Variants in MACROD2 observed in about 807,000 individuals in gnomAD.
The protein encoded by MACROD2 is mono-ADP ribosylhydrolase 2, also known as ADP-ribose glycohydrolase MACROD2.
In MACROD2, 36 loss-of-function variants were observed where a neutral mutation model predicts 70.4. The observed-to-expected ratio is 0.51, with a 90% CI of 0.39 to 0.68. The LOEUF (loss-of-function observed/expected upper bound fraction) is 0.68. Among genes scored for constraint, MACROD2 ranks in the 30% least tolerant of loss-of-function variants. MACROD2 has a pLI of 0.00. For missense variants in MACROD2, 496 were observed against 538.4 expected, an observed-to-expected ratio of 0.92 and a Z score of 0.78; for synonymous variants, 172 against 178.8, an observed-to-expected ratio of 0.96 and a Z score of 0.30.
intron 7 of MACROD2, among the ~76,000 whole-genome samples, chr20:15,478,338 G>T (rs532368810): frequency 6.6e-6 from 1 of 152,170 alleles, no homozygotes; most frequent in Admixed American, 6.5e-5. Flanking sequence ...GCTTGTTCAA[G>T]CTGTGCACCC....
chr20:14,179,635 G>A (rs2081290894), intron 3 of MACROD2, among the ~76,000 whole-genome samples: 1 of 152,122 alleles, frequency 6.6e-6, no homozygotes, highest in Non-Finnish European at 1.5e-5. Flanking sequence ...TAACAAAGGG[G>A]AAAGACTAAT....
At chr20:15,111,356 A>G (rs1418948057) in intron 5 of MACROD2, among the ~76,000 whole-genome samples, 1 of 151,858 alleles carries the variant, frequency 6.6e-6, no homozygotes, top group East Asian at 1.9e-4. Flanking sequence ...TAGTTTTAGT[A>G]GAGATGGGTT....
chr20:15,037,454 G>A (rs527294527), intron 5 of MACROD2, among the ~76,000 whole-genome samples: 2 of 152,192 alleles, frequency 1.3e-5, no homozygotes, highest in South Asian at 4.1e-4. Context: ...CCCAGAGCAG[G>A]TACTGCTGTT....
At chr20:15,282,804 T>C (rs976683676) in intron 6 of MACROD2, among the ~76,000 whole-genome samples, 2 of 152,156 alleles carry the variant, frequency 1.3e-5, no homozygotes, top group Non-Finnish European at 2.9e-5. Context: ...GCTTCCACAT[T>C]CTGGGTATCT....
intron 8 of MACROD2, among the ~76,000 whole-genome samples, chr20:15,610,330 C>T (rs941938805): frequency 2.0e-5 from 3 of 152,158 alleles, no homozygotes; most frequent in African/African-American, 7.2e-5. Context: ...AAGTTGAAAT[C>T]AAGGTGTTGG....
chr20:15,983,246 T>C (rs1002022385), intron 13 of MACROD2, among the ~76,000 whole-genome samples: 3 of 152,334 alleles, frequency 2.0e-5, no homozygotes, highest in Admixed American at 6.5e-5. Flanking sequence ...TGCATCTAAA[T>C]AGATGTGAGA....
chr20:14,804,821 G>C (rs2072619222), intron 5 of MACROD2, among the ~76,000 whole-genome samples: 2 of 151,800 alleles, frequency 1.3e-5, no homozygotes, highest in South Asian at 4.2e-4. Flanking sequence ...TTCTGTCTTT[G>C]ATAGAATGTA....
At chr20:14,213,363 A>AAAAG (rs1463493835) in intron 3 of MACROD2, among the ~76,000 whole-genome samples, 7 of 143,138 alleles carry the variant, frequency 4.9e-5, no homozygotes, top group African/African-American at 7.7e-5. Context: ...TCTAGTGGCA[A>AAAAG]AAAAAAAAAA....
intron 5 of MACROD2, among the ~76,000 whole-genome samples, chr20:14,725,406 C>T (rs1305338283): frequency 6.6e-6 from 1 of 152,062 alleles, no homozygotes; most frequent in Non-Finnish European, 1.5e-5. Flanking sequence ...TAGTGTAGTG[C>T]ACCAGTGTTT....
intron 3 of MACROD2, among the ~76,000 whole-genome samples, chr20:14,451,944 C>A (rs1031726391): frequency 6.6e-6 from 1 of 152,094 alleles, no homozygotes; most frequent in Non-Finnish European, 1.5e-5. Flanking sequence ...TTTATTTTCT[C>A]CATGAGGGGG....
intron 2 of MACROD2, among the ~76,000 whole-genome samples, chr20:14,066,535 C>T (rs182632196): frequency 1.8e-3 from 280 of 152,246 alleles, no homozygotes; most frequent in Non-Finnish European, 2.9e-3. Context: ...ACACTGATTT[C>T]AAAAATTTCA....
At chr20:14,350,218 G>T (rs1162547090) in intron 3 of MACROD2, among the ~76,000 whole-genome samples, 1 of 152,090 alleles carries the variant, frequency 6.6e-6, no homozygotes, top group African/African-American at 2.4e-5. Flanking sequence ...TCAGTATACT[G>T]ATTTCCTTTC....
chr20:14,774,605 TG>T (rs1322259892), intron 5 of MACROD2, among the ~76,000 whole-genome samples: 1 of 152,078 alleles, frequency 6.6e-6, no homozygotes, highest in African/African-American at 2.4e-5. Flanking sequence ...TCAACTCTTG[TG>T]GTCTTTAAAG....
intron 3 of MACROD2, among the ~76,000 whole-genome samples, chr20:14,362,615 C>T (rs147383303): frequency 2.8e-4 from 42 of 152,172 alleles, no homozygotes; most frequent in African/African-American, 1.0e-3. Flanking sequence ...GCATTTCAGA[C>T]CCCTACGAAA....
chr20:15,696,628 CT>C (rs1310022775), intron 8 of MACROD2, among the ~76,000 whole-genome samples: 1 of 130,928 alleles, frequency 7.6e-6, no homozygotes, highest in African/African-American at 3.0e-5. Flanking sequence ...GGTACCAATT[CT>C]TTTTTGAATG....
intron 2 of MACROD2, among the ~76,000 whole-genome samples, chr20:14,060,029 C>T (rs779365097): frequency 1.3e-5 from 2 of 152,138 alleles, no homozygotes; most frequent in Non-Finnish European, 2.9e-5. Flanking sequence ...TCGACCCTTA[C>T]GTGCTTATGA....
chr20:15,897,849 C>T (rs527425370), intron 10 of MACROD2, among the ~76,000 whole-genome samples: 10 of 152,244 alleles, frequency 6.6e-5, no homozygotes, highest in African/African-American at 2.4e-4. Context: ...CAAACTTCTG[C>T]ACTTGGTTAT....
chr20:14,674,436 G>A (rs2070833985), intron 4 of MACROD2, among the ~76,000 whole-genome samples: 1 of 152,062 alleles, frequency 6.6e-6, no homozygotes, highest in African/African-American at 2.4e-5. Flanking sequence ...CATACTTGCT[G>A]CGTGCCAGAC....
intron 8 of MACROD2, among the ~76,000 whole-genome samples, chr20:15,663,213 CAAG>C (rs1335844901): frequency 1.3e-5 from 2 of 148,584 alleles, no homozygotes; most frequent in Non-Finnish European, 3.0e-5. Context: ...TTCTGTTTCT[CAAG>C]AGAAGTCAGA....
Sources: allele counts gnomAD v4.1 joint callset (sites outside exome capture counted in the v4.1 genomes callset), GRCh38; gene constraint gnomAD v4.1.1; transcripts MANE v1.5; gene names NCBI Gene and HGNC (gene_info 2026-07-23, HGNC 2026-07-21).